The following KGD4 variants were observed in gnomAD, a reference collection of about 807,000 sequenced individuals.
KGD4 encodes the protein alpha-ketoglutarate dehydrogenase component 4.
the KGD4 span, among the ~76,000 whole-genome samples, chr5:69,219,419 G>A: frequency 6.6e-6 from 1 of 152,138 alleles, no homozygotes; most frequent in Non-Finnish European, 1.5e-5. Context: ...ATCTCAGCAG[G>A]CAGGTACTAT....
chr5:69,219,162 G>A, the KGD4 span, among the ~76,000 whole-genome samples: 3 of 152,146 alleles, frequency 2.0e-5, no homozygotes, highest in Non-Finnish European at 2.9e-5. Context: ...AATGTGAAGC[G>A]TCTGAAACCC....
At chr5:69,217,801 G>A in the KGD4 span, 3 of 1,613,294 alleles carry the variant, frequency 1.9e-6, no homozygotes, top group South Asian at 2.2e-5. Flanking sequence ...GCTCGCTCGC[G>A]CCCCGGAAAC....
chr5:69,220,548 G>A, the KGD4 span, among the ~76,000 whole-genome samples: 19 of 151,458 alleles, frequency 1.3e-4, no homozygotes, highest in Admixed American at 2.6e-4. Context: ...CTGCCCGGCC[G>A]CCCCGTCTGG....
chr5:69,229,328 T>G, the KGD4 span: 1 of 906,780 alleles, frequency 1.1e-6, no homozygotes, highest in East Asian at 2.8e-5. Flanking sequence ...CTTTAATAAA[T>G]ATTATGAAAA....
chr5:69,218,031 T>G, the KGD4 span: 1 of 1,167,616 alleles, frequency 8.6e-7, no homozygotes. Flanking sequence ...GGATGGGACT[T>G]TGAGCCTGTT....
At chr5:69,217,820 C>T in the KGD4 span, 9 of 1,613,978 alleles carry the variant, frequency 5.6e-6, no homozygotes, top group Non-Finnish European at 7.6e-6. Context: ...ACTGCCCCTT[C>T]TCGGGGGTCA....
the KGD4 span, chr5:69,226,268 T>G: frequency 9.4e-7 from 1 of 1,066,908 alleles, no homozygotes; most frequent in Non-Finnish European, 1.4e-6. Flanking sequence ...ACGTATCTAC[T>G]TATGAGGTTT....
At chr5:69,223,266 A>G in the KGD4 span, among the ~76,000 whole-genome samples, 4 of 151,330 alleles carry the variant, frequency 2.6e-5, no homozygotes, top group East Asian at 1.9e-4. Flanking sequence ...TTTTTAGTAG[A>G]GACGGGGTTT....
the KGD4 span, chr5:69,229,264 T>A: frequency 1.9e-6 from 3 of 1,586,718 alleles, no homozygotes; most frequent in South Asian, 1.1e-5. Context: ...AATAGAATTG[T>A]CTTTACAATA....
the KGD4 span, among the ~76,000 whole-genome samples, chr5:69,227,619 T>G: frequency 1.9e-3 from 294 of 152,322 alleles, 2 homozygotes; most frequent in African/African-American, 6.9e-3. Flanking sequence ...AGTGTAAAGA[T>G]ATTGAGAAAA....
the KGD4 span, chr5:69,218,196 G>C: frequency 2.7e-6 from 1 of 368,492 alleles, no homozygotes; most frequent in South Asian, 4.7e-5. Context: ...AGGCGACCCT[G>C]GCGGTAGCCT....
At chr5:69,217,798 C>A in the KGD4 span, 2 of 1,613,010 alleles carry the variant, frequency 1.2e-6, no homozygotes, top group Non-Finnish European at 1.7e-6. Context: ...GCGGCTCGCT[C>A]GCGCCCCGGA....
chr5:69,221,771 A>G, the KGD4 span, among the ~76,000 whole-genome samples: 1 of 152,098 alleles, frequency 6.6e-6, no homozygotes, highest in East Asian at 1.9e-4. Flanking sequence ...GCTGGACTTC[A>G]TTAAAATAAA....
the KGD4 span, chr5:69,228,178 TC>T: frequency 5.0e-6 from 6 of 1,203,002 alleles, no homozygotes; most frequent in Non-Finnish European, 5.6e-6. Flanking sequence ...TCTAATAAGG[TC>T]TTTTTTTTTT....
chr5:69,226,847 C>CA, the KGD4 span, among the ~76,000 whole-genome samples: 1,167 of 135,486 alleles, frequency 8.6e-3, 38 homozygotes, highest in Admixed American at 0.066. Context: ...GACTTTGTCT[C>CA]AAAAAAAAAA....
the KGD4 span, among the ~76,000 whole-genome samples, chr5:69,227,415 T>C: frequency 6.6e-6 from 1 of 152,192 alleles, no homozygotes; most frequent in African/African-American, 2.4e-5. Context: ...TTGGATTGCC[T>C]TAATCCTTAG....
chr5:69,220,277 T>C, the KGD4 span, among the ~76,000 whole-genome samples: 2 of 151,274 alleles, frequency 1.3e-5, no homozygotes, highest in African/African-American at 2.4e-5. Flanking sequence ...TGTTGATCCA[T>C]ATCTTGAAGG....
the KGD4 span, chr5:69,218,050 C>A: frequency 1.0e-6 from 1 of 982,874 alleles, no homozygotes; most frequent in Non-Finnish European, 1.5e-6. Flanking sequence ...TTGGACCGGG[C>A]AGTGAGGTGG....
At chr5:69,228,178 T>A in the KGD4 span, 1 of 1,203,002 alleles carries the variant, frequency 8.3e-7, no homozygotes, top group Non-Finnish European at 1.1e-6. Context: ...TCTAATAAGG[T>A]CTTTTTTTTT....
Sources: allele counts gnomAD v4.1 joint callset (sites outside exome capture counted in the v4.1 genomes callset), GRCh38; gene constraint gnomAD v4.1.1; transcripts MANE v1.5; gene names NCBI Gene and HGNC (gene_info 2026-07-23, HGNC 2026-07-21).